The following LHFPL4 variants were observed in gnomAD, a reference collection of about 807,000 sequenced individuals.
LHFPL4 encodes the protein LHFPL tetraspan subfamily member 4 protein.
A neutral mutation model predicts 20.0 loss-of-function variants in LHFPL4; 6 were observed. The observed-to-expected ratio is 0.30, with a 90% confidence interval of 0.16 to 0.59. The LOEUF (loss-of-function observed/expected upper bound fraction) is 0.59, where lower values mean the gene tolerates loss of function less well. Ranked by LOEUF, LHFPL4 falls within the 20% of genes least tolerant of loss-of-function variation. The probability of loss-of-function intolerance (pLI) is 0.88; values close to 1 mark genes in which losing one functional copy is unlikely to be tolerated. For missense variants in LHFPL4, 215 were observed against 331.2 expected, an observed-to-expected ratio of 0.65 and a Z score of 2.72; for synonymous variants, 129 against 143.8, an observed-to-expected ratio of 0.90 and a Z score of 0.74.
intron 2 of LHFPL4, among the ~76,000 whole-genome samples, chr3:9,518,661 T>C (rs1414033930): frequency 1.4e-5 from 2 of 147,990 alleles, no homozygotes; most frequent in East Asian, 3.9e-4. Flanking sequence ...GTCCATTTCA[T>C]CTAGGTTATC....
chr3:9,511,916 A>G (rs1574839378), intron 2 of LHFPL4, among the ~76,000 whole-genome samples: 1 of 147,184 alleles, frequency 6.8e-6, no homozygotes. Context: ...GCTTGGCTGC[A>G]TCCTTTACAT....
chr3:9,510,533 G>C (rs1360507206), intron 2 of LHFPL4, among the ~76,000 whole-genome samples: 1 of 151,864 alleles, frequency 6.6e-6, no homozygotes, highest in Non-Finnish European at 1.5e-5. Flanking sequence ...TCTCTATCCA[G>C]CTACCCCATG....
Position 9,552,692 on chromosome 3 carries a change from CGGGGCCGGCGGCGGCGGCGGCTGGCG to C in LHFPL4, c.-39_-14del, listed in dbSNP as rs545721976. 9 of 1,368,016 alleles carry C rather than the reference CGGGGCCGGCGGCGGCGGCGGCTGGCG, an allele frequency of 6.6e-6. No homozygotes were observed. In the African/African-American group the frequency reaches 9.0e-5, roughly 14 times the overall value. 84.7% of individuals were successfully genotyped at this position (1,368,016 alleles called of 1,614,324 possible). A position where few individuals can be genotyped will look rare whatever the true frequency, so the allele number is the denominator to read the frequency against. ...GCGAGGGCAGCATGGTGCCCGGAGG[CGGGGCCGGCGGCGGCGGCGGCTGGCG>C]GGGGCCGCCGGCCCGGGACGGAGCG... On this transcript the variant is annotated 5_prime_UTR_variant, in exon 2 of 4. Transcript: ENST00000287585.
intron 3 of LHFPL4, among the ~76,000 whole-genome samples, chr3:9,505,255 T>C (rs1355227642): frequency 7.0e-6 from 1 of 142,418 alleles, no homozygotes; most frequent in African/African-American, 2.7e-5. Context: ...CAGGTTTCTT[T>C]TTTTCTTTTC....
At chr3:9,535,287 A>G (rs750539847) in intron 2 of LHFPL4, among the ~76,000 whole-genome samples, 3 of 152,352 alleles carry the variant, frequency 2.0e-5, no homozygotes, top group East Asian at 1.9e-4. Context: ...ATGCTAGTTC[A>G]TTTAATCTCT....
Position 9,539,480 on chromosome 3 carries a change from T to C in LHFPL4, c.406+12794A>G, listed in dbSNP as rs117840573. 2.1e-3 allele frequency among the ~76,000 whole-genome samples: 299 copies of C among 145,286 alleles called. 3 individuals carry two copies. The East Asian group carries it at 0.046, about 22-fold the overall frequency. On this transcript the variant is annotated intron_variant, in intron 2 of 3. Transcript: ENST00000287585. Reference sequence around the variant, plus strand: ...AAAAAAAAAAAAAAAAAAGGAATAGTTCAACCCTTGTCCTCCTGATACCTC... The same window carrying C: ...AAAAAAAAAAAAAAAAAAGGAATAGCTCAACCCTTGTCCTCCTGATACCTC...
intron 2 of LHFPL4, among the ~76,000 whole-genome samples, chr3:9,509,241 A>T (rs373686501): frequency 7.8e-6 from 1 of 128,270 alleles, no homozygotes. Context: ...CTTTCTTCGC[A>T]CCCCCCTCTC....
intron 2 of LHFPL4, among the ~76,000 whole-genome samples, chr3:9,513,036 T>C (rs1331792907): frequency 6.6e-6 from 1 of 151,988 alleles, no homozygotes; most frequent in Non-Finnish European, 1.5e-5. Flanking sequence ...CTCGGCTCAC[T>C]GCAAGCTCCG....
chr3:9,542,695 G>A (rs2046484893), intron 2 of LHFPL4, among the ~76,000 whole-genome samples: 1 of 151,518 alleles, frequency 6.6e-6, no homozygotes, highest in Admixed American at 6.6e-5. Flanking sequence ...AGTAGTCCCA[G>A]CTACTTGGGA....
chr3:9,504,759 A>C (rs1422522113), intron 3 of LHFPL4, among the ~76,000 whole-genome samples: 1 of 150,738 alleles, frequency 6.6e-6, no homozygotes, highest in Non-Finnish European at 1.5e-5. Context: ...CGGGAGGTGG[A>C]GCTTGCAGTG....
chr3:9,552,482 C>T lies in LHFPL4; in HGVS notation c.198G>A (p.Val66=), dbSNP rs1195134103. ...PGYFGLFHYC[V]GSGLAGRELT... is the part of the protein sequence containing the mutation. ...GCTCGCGGCCCGCCAGCCCGCTGCC[C>T]ACGCAGTAGTGGAAGAGGCCGAAGT... The change falls in exon 2 of 4, where the codon GTG becomes GTA. Residue 66 remains valine, a synonymous_variant. Coordinates refer to ENST00000287585, the MANE Select transcript of LHFPL4 (RefSeq NM_198560.3). 1.9e-6 allele frequency: 3 copies of T among 1,613,222 alleles called. No individual in the cohort carries two copies. The highest frequency in any genetic ancestry group is 2.2e-5 in the East Asian group (1 of 44,838).
rs117471196 is a variant in LHFPL4 at position 9,528,125 on chromosome 3, A to G, written c.407-21922T>C. Among the ~76,000 whole-genome samples, 57 of 152,332 alleles carry G rather than the reference A, an allele frequency of 3.7e-4. 1 individual carries two copies. In the East Asian group the frequency reaches 0.01, roughly 28 times the overall value. ...AGCTGTAGCAATTTCTGAAAATAAG[A>G]TAACAACGAAGTTTGCCACATCGAT... On this transcript the variant is annotated intron_variant, in intron 2 of 3. Coordinates refer to ENST00000287585, the MANE Select transcript of LHFPL4 (RefSeq NM_198560.3).
chr3:9,536,323 G>A (rs1042927280), intron 2 of LHFPL4, among the ~76,000 whole-genome samples: 3 of 152,172 alleles, frequency 2.0e-5, no homozygotes, highest in Admixed American at 1.3e-4. Flanking sequence ...TTTAAAATCT[G>A]AGACATCCAG....
intron 2 of LHFPL4, among the ~76,000 whole-genome samples, chr3:9,523,989 C>A (rs970496739): frequency 2.1e-5 from 3 of 141,392 alleles, no homozygotes; most frequent in African/African-American, 7.8e-5. Flanking sequence ...TATTTCCCCC[C>A]CCCCCAACAC....
At chr3:9,540,516 T>C (rs113034186) in intron 2 of LHFPL4, among the ~76,000 whole-genome samples, 6 of 152,306 alleles carry the variant, frequency 3.9e-5, no homozygotes, top group Admixed American at 1.3e-4. Context: ...GGCAGTGTGA[T>C]AGCCAGAACA....
At position 9,500,274 on chromosome 3, in the gene LHFPL4, C is replaced by T. The variant is rs1315085022; in HGVS notation, c.*1937G>A. ...ACTCCCTCCTACCCCAACTCCCTCC[C>T]ACGGGGCTCCCGCATCCTCCCGCAT... On this transcript the variant is annotated 3_prime_UTR_variant, in exon 4 of 4. Coordinates refer to ENST00000287585, the MANE Select transcript of LHFPL4 (RefSeq NM_198560.3). 1.3e-5 allele frequency: 2 copies of T among 152,540 alleles called. No homozygotes were observed. Among genetic ancestry groups the T allele is most frequent in the African/African-American group, 4.8e-5 (2 of 41,448 alleles). The allele number at this position is 152,540 out of a possible 1,614,324, so 9.4% of individuals were successfully genotyped here.
chr3:9,532,276 G>A (rs556006099), intron 2 of LHFPL4, among the ~76,000 whole-genome samples: 1 of 151,988 alleles, frequency 6.6e-6, no homozygotes, highest in Non-Finnish European at 1.5e-5. Flanking sequence ...TGATCTGCCC[G>A]CCTTGGCCTC....
chr3:9,512,217 C>T (rs2125657123), intron 2 of LHFPL4, among the ~76,000 whole-genome samples: 1 of 152,342 alleles, frequency 6.6e-6, no homozygotes, highest in East Asian at 1.9e-4. Flanking sequence ...AGGCGTGAGC[C>T]ACCGCGCCGG....
chr3:9,505,787 G>A lies in LHFPL4; in HGVS notation c.643+180C>T, dbSNP rs551928912. Among the ~76,000 whole-genome samples the A allele has an allele frequency of 6.0e-4, 91 of 151,812 alleles. 1 individual carries two copies. Among genetic ancestry groups the A allele is most frequent in the African/African-American group, 2.0e-3 (84 of 41,356 alleles). On this transcript the variant is annotated intron_variant, in intron 3 of 3. Coordinates refer to ENST00000287585, the MANE Select transcript of LHFPL4 (RefSeq NM_198560.3). ...TTGACCAGGCTACTCTTGAACTCCTGGGCTCAAGCGATCTACCTGCCTTGG... is the reference window on the plus strand; with the variant it reads ...TTGACCAGGCTACTCTTGAACTCCTAGGCTCAAGCGATCTACCTGCCTTGG...
Sources: allele counts gnomAD v4.1 joint callset (sites outside exome capture counted in the v4.1 genomes callset), GRCh38; gene constraint gnomAD v4.1.1; transcripts MANE v1.5; gene names NCBI Gene and HGNC (gene_info 2026-07-23, HGNC 2026-07-21).